Variants in ADAMTSL3 observed in about 807,000 individuals in gnomAD.
ADAMTSL3 encodes the protein ADAMTS like 3.
Under a neutral mutation model 201.7 loss-of-function variants are expected in ADAMTSL3, and 128 were observed. The ratio of observed to expected loss-of-function variants is 0.63; its 90% CI spans 0.55 to 0.73. ADAMTSL3 has a LOEUF of 0.73. Ranked by LOEUF, ADAMTSL3 falls within the 30% of genes least tolerant of loss-of-function variation. The pLI is 0.00. For missense variants in ADAMTSL3, 1,990 were observed against 2,119.6 expected (o/e 0.94, Z 1.20); for synonymous variants, 738 against 748.4 (o/e 0.99, Z 0.23).
chr15:83,977,575 G>A (rs2067309273), intron 20 of ADAMTSL3, among the ~76,000 whole-genome samples: 1 of 152,094 alleles, frequency 6.6e-6, no homozygotes, highest in Admixed American at 6.5e-5. Context: ...GGCAATGGTG[G>A]TCAGAAAGGA....
At chr15:83,669,453 G>GTTT (rs71156089) in intron 2 of ADAMTSL3, among the ~76,000 whole-genome samples, 21 of 56,922 alleles carry the variant, frequency 3.7e-4, no homozygotes, top group Non-Finnish European at 5.8e-4. Context: ...CGGGAGTGAG[G>GTTT]TTTTTTTTTT....
chr15:83,830,171 G>A (rs60775680), intron 6 of ADAMTSL3, among the ~76,000 whole-genome samples: 2,522 of 152,244 alleles, frequency 0.017, 74 homozygotes, highest in African/African-American at 0.056. Context: ...TGGGGCAAAG[G>A]TGATGAGCTG....
In ADAMTSL3 at chr15:84,026,550, C is replaced by A. The variant is rs1419747613; in HGVS notation, c.4656+1114C>A. 3.3e-5 allele frequency among the ~76,000 whole-genome samples: 5 copies of A among 152,168 alleles called. No homozygotes were observed. In the East Asian group the frequency reaches 7.7e-4, roughly 23 times the overall value. On this transcript the variant is annotated intron_variant, in intron 27 of 29. Transcript: ENST00000286744. ...CTCAGACTTCTGATTTCAAAACTTA[C>A]CAAAAAGCTACAGTAATCAAGATAG...
chr15:84,034,389 G>GGGAAAACT (rs1299007662), intron 28 of ADAMTSL3, among the ~76,000 whole-genome samples: 2 of 152,138 alleles, frequency 1.3e-5, no homozygotes, highest in Admixed American at 6.5e-5. Context: ...GAGGATCAGT[G>GGGAAAACT]GTGGGCAGGC....
intron 15 of ADAMTSL3, among the ~76,000 whole-genome samples, chr15:83,909,219 G>C (rs943079882): frequency 6.6e-6 from 1 of 152,118 alleles, no homozygotes; most frequent in Non-Finnish European, 1.5e-5. Context: ...TTCCCATCTC[G>C]AGGTCACACC....
chr15:83,910,884 C>T lies in ADAMTSL3; in HGVS notation c.1701-2208C>T, dbSNP rs185143128. ...CGAACTCCTGACCTCAGGTGATTCG[C>T]CCGCCTCAGCCTCCCAAAGTGCTGG... On this transcript the variant is annotated intron_variant, in intron 15 of 29. Coordinates refer to ENST00000286744, the MANE Select transcript of ADAMTSL3 (RefSeq NM_207517.3). Among the ~76,000 whole-genome samples, 1,469 of 152,002 alleles carry T rather than the reference C, an allele frequency of 9.7e-3. 29 individuals are homozygous for T. Among genetic ancestry groups the T allele is most frequent in the African/African-American group, 0.034 (1,402 of 41,454 alleles).
intron 23 of ADAMTSL3, among the ~76,000 whole-genome samples, chr15:84,002,199 G>T (rs1345184878): frequency 6.6e-6 from 1 of 152,100 alleles, no homozygotes; most frequent in Non-Finnish European, 1.5e-5. Context: ...AGCTGGATAT[G>T]CAATACGAAA....
At chr15:83,687,231 G>C (rs1340888251) in intron 2 of ADAMTSL3, among the ~76,000 whole-genome samples, 1 of 152,026 alleles carries the variant, frequency 6.6e-6, no homozygotes, top group Admixed American at 6.5e-5. Context: ...AAATTAAGTT[G>C]AAAGTATCAA....
At chr15:83,884,709 A>G (rs530801194) in intron 9 of ADAMTSL3, among the ~76,000 whole-genome samples, 2 of 152,334 alleles carry the variant, frequency 1.3e-5, no homozygotes, top group African/African-American at 4.8e-5. Context: ...TAAAAATGTA[A>G]GAGTCTCCAC....
intron 4 of ADAMTSL3, among the ~76,000 whole-genome samples, chr15:83,773,892 GA>G (rs1448530505): frequency 6.6e-6 from 1 of 152,174 alleles, no homozygotes; most frequent in East Asian, 1.9e-4. Context: ...TTGAGGAAAG[GA>G]AATCCTGGCA....
intron 4 of ADAMTSL3, among the ~76,000 whole-genome samples, chr15:83,801,160 G>T (rs577903600): frequency 9.9e-5 from 15 of 152,216 alleles, no homozygotes; most frequent in African/African-American, 2.2e-4. Flanking sequence ...ACAGAAATAT[G>T]CAGTGTTACA....
intron 24 of ADAMTSL3, among the ~76,000 whole-genome samples, chr15:84,014,952 GA>G (rs1345311597): frequency 9.1e-4 from 44 of 48,474 alleles, no homozygotes; most frequent in Middle Eastern, 0.011. Flanking sequence ...GTGTGTGTGT[GA>G]TTTTTTTTTT....
At chr15:84,029,032 C>T (rs2068357720) in intron 27 of ADAMTSL3, among the ~76,000 whole-genome samples, 1 of 152,190 alleles carries the variant, frequency 6.6e-6, no homozygotes, top group Non-Finnish European at 1.5e-5. Context: ...TCAATTAAAC[C>T]TCTTTCCTTT....
chr15:83,784,008 G>T (rs974944370), intron 4 of ADAMTSL3, among the ~76,000 whole-genome samples: 2 of 152,078 alleles, frequency 1.3e-5, no homozygotes, highest in African/African-American at 4.8e-5. Context: ...ACCTATTGCA[G>T]CTTTATGTTA....
intron 3 of ADAMTSL3, among the ~76,000 whole-genome samples, chr15:83,716,960 T>G (rs1191803258): frequency 6.6e-6 from 1 of 152,210 alleles, no homozygotes; most frequent in African/African-American, 2.4e-5. Flanking sequence ...GATTTTTAAC[T>G]AAGAATTTTG....
intron 3 of ADAMTSL3, among the ~76,000 whole-genome samples, chr15:83,749,660 A>G (rs2062606588): frequency 1.3e-5 from 2 of 152,198 alleles, no homozygotes; most frequent in Non-Finnish European, 2.9e-5. Flanking sequence ...GGGAGGTGTT[A>G]CTAAGGTGTG....
intron 2 of ADAMTSL3, among the ~76,000 whole-genome samples, chr15:83,697,858 T>C (rs2061707585): frequency 6.6e-6 from 1 of 152,116 alleles, no homozygotes. Context: ...GGGTGAGGAC[T>C]GAAAGTTCCA....
At chr15:84,017,510 T>A (rs1223555547) in intron 25 of ADAMTSL3, among the ~76,000 whole-genome samples, 1 of 152,198 alleles carries the variant, frequency 6.6e-6, no homozygotes, top group East Asian at 1.9e-4. Context: ...GAGAAGTGCC[T>A]CTCATTTGCA....
At chr15:83,952,304 T>C (rs1370621748) in intron 19 of ADAMTSL3, among the ~76,000 whole-genome samples, 2 of 152,242 alleles carry the variant, frequency 1.3e-5, no homozygotes, top group South Asian at 4.1e-4. Context: ...TTCATTCCAT[T>C]GTGGTCAGAA....
Sources: allele counts gnomAD v4.1 joint callset (sites outside exome capture counted in the v4.1 genomes callset), GRCh38; gene constraint gnomAD v4.1.1; transcripts MANE v1.5; gene names NCBI Gene and HGNC (gene_info 2026-07-23, HGNC 2026-07-21).